FAM135B: variants seen among roughly 807,000 people sequenced by gnomAD.
The protein encoded by FAM135B is protein FAM135B.
In FAM135B, 43 loss-of-function variants were observed where a neutral mutation model predicts 127.7. That is an observed-to-expected ratio of 0.34 (90% confidence interval 0.26 to 0.43). The LOEUF is 0.43. Among genes scored for constraint, FAM135B ranks in the 20% least tolerant of loss-of-function variants. The probability of loss-of-function intolerance (pLI) is 1.00; values close to 1 mark genes in which losing one functional copy is unlikely to be tolerated. For missense variants in FAM135B, 1,558 were observed against 1,725.6 expected, an observed-to-expected ratio of 0.90 and a Z score of 1.72; for synonymous variants, 670 against 665.1, an observed-to-expected ratio of 1.01 and a Z score of -0.11.
At chr8:138,454,299 G>C (rs1836655576) in intron 1 of FAM135B, among the ~76,000 whole-genome samples, 1 of 152,132 alleles carries the variant, frequency 6.6e-6, no homozygotes, top group Non-Finnish European at 1.5e-5. Context: ...TGGATGACTG[G>C]AACACAGCCA....
chr8:138,438,538 T>C (rs991362077), intron 1 of FAM135B: 1 of 152,158 alleles, frequency 6.6e-6, no homozygotes, highest in African/African-American at 2.4e-5. Context: ...ACAGACTCTA[T>C]TCTGGATTAT....
intron 1 of FAM135B, among the ~76,000 whole-genome samples, chr8:138,409,274 C>T (rs1453166039): frequency 6.6e-6 from 1 of 151,940 alleles, no homozygotes; most frequent in South Asian, 2.1e-4. Flanking sequence ...GGGGAAGGGC[C>T]GGTAGGTGGA....
intron 1 of FAM135B, among the ~76,000 whole-genome samples, chr8:138,419,480 C>A (rs1354594818): frequency 6.6e-6 from 1 of 152,034 alleles, no homozygotes; most frequent in Non-Finnish European, 1.5e-5. Flanking sequence ...ATATTCAGAA[C>A]CCAAACTCGA....
At chr8:138,330,027 A>G (rs1048397021) in intron 2 of FAM135B, among the ~76,000 whole-genome samples, 1 of 152,288 alleles carries the variant, frequency 6.6e-6, no homozygotes, top group African/African-American at 2.4e-5. Context: ...TCAACCAGCT[A>G]GTTAGTGGCA....
At chr8:138,273,413 T>G (rs1202285821) in intron 3 of FAM135B, among the ~76,000 whole-genome samples, 2 of 152,082 alleles carry the variant, frequency 1.3e-5, no homozygotes, top group Non-Finnish European at 2.9e-5. Context: ...ACCATGTTAG[T>G]CAGGCTGATC....
intron 1 of FAM135B, among the ~76,000 whole-genome samples, chr8:138,474,813 C>A (rs943180385): frequency 6.6e-5 from 10 of 152,158 alleles, no homozygotes; most frequent in African/African-American, 2.4e-4. Context: ...AATGAAGGTT[C>A]GGTCTGGACT....
intron 3 of FAM135B, among the ~76,000 whole-genome samples, chr8:138,285,439 G>A (rs1006483857): frequency 4.6e-5 from 7 of 152,076 alleles, no homozygotes; most frequent in South Asian, 2.1e-4. Context: ...GAGCCACTAC[G>A]CCTGGCCTTG....
At chr8:138,368,034 G>T in intron 1 of FAM135B, 32 bp from the exon 2 acceptor site, 3 of 1,486,906 alleles carry the variant, frequency 2.0e-6, no homozygotes, top group Non-Finnish European at 2.8e-6. Flanking sequence ...AACAGTTTGA[G>T]ATCACATCAG....
At chr8:138,311,278 C>A (rs1005391070) in intron 2 of FAM135B, among the ~76,000 whole-genome samples, 4 of 152,190 alleles carry the variant, frequency 2.6e-5, no homozygotes, top group Admixed American at 1.3e-4. Context: ...GTTATTTACG[C>A]ACAGTGGAGA....
chr8:138,151,230 C>T lies in FAM135B; in HGVS notation c.3245G>A (p.Ser1082Asn), dbSNP rs2130721111. The change falls in exon 13 of 20, where the codon AGC becomes AAC. Residue 1082 changes from serine to asparagine, a missense_variant. Coordinates refer to ENST00000395297, the MANE Select transcript of FAM135B (RefSeq NM_015912.4). ...CTCACTGACTTCCTCATCCAACGTG[C>T]TGGAATGGGTAGAAACAACTCCAAA... is the stretch of plus-strand genomic sequence containing the variant. ...GSFGVVSTHSSTLDEEVSERM... is the reference protein window; with the variant it reads ...GSFGVVSTHSNTLDEEVSERM... 1.3e-6 allele frequency: 2 copies of T among 1,576,728 alleles called. No homozygotes were observed. The highest frequency in any genetic ancestry group is 1.7e-6 in the Non-Finnish European group (2 of 1,161,472).
chr8:138,474,692 C>T, intron 1 of FAM135B, among the ~76,000 whole-genome samples: 1 of 152,178 alleles, frequency 6.6e-6, no homozygotes, highest in East Asian at 1.9e-4. Flanking sequence ...CAATTCTCTG[C>T]CTCCTCTTCC....
rs542927659 is a variant in FAM135B, at chr8:138,152,590, C to G, written c.1885G>C (p.Val629Leu). Residue 629 changes from valine to leucine, a missense_variant, in exon 13 of 20, where the codon GTG becomes CTG. Val to Leu is a conservative substitution (Grantham distance 32, BLOSUM62 1). Transcript: ENST00000395297. ...GGGGTGAGTTTCAAGCTTAGCAGCA[C>G]CATCTTCCCCTCTTGATCTATTCCC... Reference protein sequence around the residue: ...GKGIDQEGKMVLLSLKLTPSE... With the variant: ...GKGIDQEGKMLLLSLKLTPSE... The G allele has an allele frequency of 6.2e-7, 1 of 1,614,142 alleles. No individual in the cohort carries two copies. The highest frequency in any genetic ancestry group is 8.5e-7 in the Non-Finnish European group (1 of 1,180,008).
chr8:138,377,848 G>T (rs780515560), intron 1 of FAM135B, among the ~76,000 whole-genome samples: 1 of 152,156 alleles, frequency 6.6e-6, no homozygotes, highest in African/African-American at 2.4e-5. Flanking sequence ...CTCCCCAGGG[G>T]ATTTACTGCA....
chr8:138,382,755 A>G (rs187666938), intron 1 of FAM135B, among the ~76,000 whole-genome samples: 173 of 152,324 alleles, frequency 1.1e-3, no homozygotes, highest in Non-Finnish European at 1.7e-3. Flanking sequence ...TAGACACTCA[A>G]TGAATTGCAA....
At chr8:138,314,866 G>A (rs1200292033) in intron 2 of FAM135B, among the ~76,000 whole-genome samples, 10 of 134,516 alleles carry the variant, frequency 7.4e-5, no homozygotes, top group East Asian at 2.2e-4. Flanking sequence ...GTTGTCAGGC[G>A]GAGACCTTAC....
intron 7 of FAM135B, among the ~76,000 whole-genome samples, chr8:138,234,578 G>C (rs1397173170): frequency 4.6e-5 from 7 of 152,168 alleles, no homozygotes; most frequent in Non-Finnish European, 7.3e-5. Context: ...GTAACCACAG[G>C]GATGAACCTG....
intron 2 of FAM135B, among the ~76,000 whole-genome samples, chr8:138,315,937 G>T (rs936623467): frequency 4.6e-5 from 7 of 152,156 alleles, no homozygotes; most frequent in African/African-American, 1.7e-4. Flanking sequence ...TAAGTTTAGA[G>T]ATCTAATGTA....
chr8:138,475,184 C>A (rs1814347032), intron 1 of FAM135B, among the ~76,000 whole-genome samples: 1 of 152,112 alleles, frequency 6.6e-6, no homozygotes, highest in African/African-American at 2.4e-5. Context: ...ACTGAGGCAC[C>A]AAACTTTGTG....
chr8:138,157,081 CA>C (rs1225561389), intron 12 of FAM135B, among the ~76,000 whole-genome samples: 2 of 152,172 alleles, frequency 1.3e-5, no homozygotes, highest in Non-Finnish European at 2.9e-5. Context: ...AGCAGCACAT[CA>C]AAAAGCTTAT....
Sources: allele counts gnomAD v4.1 joint callset (sites outside exome capture counted in the v4.1 genomes callset), GRCh38; gene constraint gnomAD v4.1.1; transcripts MANE v1.5; gene names NCBI Gene and HGNC (gene_info 2026-07-23, HGNC 2026-07-21).